Variants in ARHGEF28 observed in about 807,000 individuals in gnomAD.
The protein encoded by ARHGEF28 is Rho guanine nucleotide exchange factor 28.
Under a neutral mutation model 206.6 loss-of-function variants are expected in ARHGEF28, and 152 were observed. The observed-to-expected ratio is 0.74, with a 90% CI of 0.64 to 0.84. The LOEUF (loss-of-function observed/expected upper bound fraction) is 0.84. Among genes scored for constraint, ARHGEF28 ranks in the 40% least tolerant of loss-of-function variants. ARHGEF28 has a pLI of 0.00. For synonymous variants in ARHGEF28, 763 were observed against 776.4 expected (o/e 0.98, Z 0.29); for missense variants, 2,028 against 2,073.2 (o/e 0.98, Z 0.42).
intron 16 of ARHGEF28, among the ~76,000 whole-genome samples, chr5:73,860,679 T>C (rs968410794): frequency 1.3e-5 from 2 of 152,242 alleles, no homozygotes; most frequent in Non-Finnish European, 2.9e-5. Context: ...TTTCCAGGTA[T>C]GTTCATCTAC....
intron 9 of ARHGEF28, among the ~76,000 whole-genome samples, chr5:73,796,103 T>C (rs553379229): frequency 6.6e-6 from 1 of 152,334 alleles, no homozygotes; most frequent in African/African-American, 2.4e-5. Context: ...GCCCTATCTC[T>C]TGAGTTACTT....
chr5:73,652,531 A>G (rs1020409823), intron 1 of ARHGEF28, among the ~76,000 whole-genome samples: 3 of 152,196 alleles, frequency 2.0e-5, no homozygotes, highest in African/African-American at 7.2e-5. Context: ...GGGTGGGGCC[A>G]CATTCAGGAG....
chr5:73,728,240 T>C (rs1405392948), intron 2 of ARHGEF28, among the ~76,000 whole-genome samples: 5 of 152,206 alleles, frequency 3.3e-5, no homozygotes, highest in African/African-American at 1.2e-4. Context: ...GCTTGTCTTG[T>C]GGAAAGCCTT....
At chr5:73,923,051 T>A in intron 35 of ARHGEF28, 1 of 1,517,784 alleles carries the variant, frequency 6.6e-7, no homozygotes, top group Non-Finnish European at 8.8e-7. Context: ...GGTCTGTTAG[T>A]CAGCATCTGG....
intron 4 of ARHGEF28, among the ~76,000 whole-genome samples, chr5:73,757,769 T>C (rs1167563148): frequency 6.6e-6 from 1 of 152,210 alleles, no homozygotes; most frequent in Non-Finnish European, 1.5e-5. Context: ...TTTTATGAAA[T>C]AGCATTCATA....
chr5:73,751,715 G>T (rs1195265795), intron 3 of ARHGEF28, among the ~76,000 whole-genome samples: 2 of 152,118 alleles, frequency 1.3e-5, no homozygotes, highest in African/African-American at 4.8e-5. Context: ...CTACTTAAAA[G>T]TGAGGTTTCT....
At chr5:73,755,478 G>A (rs138225149) in intron 4 of ARHGEF28, among the ~76,000 whole-genome samples, 19 of 152,170 alleles carry the variant, frequency 1.2e-4, no homozygotes, top group Admixed American at 8.5e-4. Flanking sequence ...TGCCTGCAGC[G>A]GTTTAATTTG....
In ARHGEF28 at chr5:73,868,104, A is replaced by C; in HGVS notation, c.2302A>C (p.Arg768=). Residue 768 remains arginine (R), a synonymous_variant, in exon 20 of 36, where the codon AGG becomes CGG. Coordinates refer to ENST00000513042, the MANE Select transcript of ARHGEF28 (RefSeq NM_001177693.2). ...GCTCCCCTCCCTCTCTCCTAGCTTC[A>C]GGAGGTCAGCCACATCCTTGGAGTC... ...SVPGTTLESF[R]RSATSLESES... The C allele has an allele frequency of 6.2e-7, 1 of 1,612,354 alleles. No homozygotes were observed. Among genetic ancestry groups the C allele is most frequent in the Non-Finnish European group, 8.5e-7 (1 of 1,179,188 alleles).
chr5:73,710,712 A>AT (rs1046841706), intron 2 of ARHGEF28, among the ~76,000 whole-genome samples: 3 of 152,094 alleles, frequency 2.0e-5, no homozygotes, highest in Admixed American at 6.6e-5. Flanking sequence ...CTCTGAATTA[A>AT]TTTTTTTTAA....
chr5:73,695,769 C>G (rs1272195973), intron 2 of ARHGEF28, among the ~76,000 whole-genome samples: 1 of 152,192 alleles, frequency 6.6e-6, no homozygotes, highest in East Asian at 1.9e-4. Flanking sequence ...TTGCCCCTGG[C>G]CTCTTCAGAG....
intron 2 of ARHGEF28, among the ~76,000 whole-genome samples, chr5:73,689,707 C>T (rs114122246): frequency 1.9e-3 from 284 of 151,552 alleles, no homozygotes; most frequent in African/African-American, 6.0e-3. Flanking sequence ...TTCCTGCATT[C>T]GTGCTTGAAA....
At chr5:73,772,601 G>T (rs2112444775) in intron 4 of ARHGEF28, among the ~76,000 whole-genome samples, 1 of 152,138 alleles carries the variant, frequency 6.6e-6, no homozygotes, top group South Asian at 2.1e-4. Context: ...CTGGTCTTGA[G>T]CTCCTGGGCT....
chr5:73,867,225 A>G (rs541705514), intron 18 of ARHGEF28, among the ~76,000 whole-genome samples: 27 of 152,298 alleles, frequency 1.8e-4, no homozygotes, highest in Non-Finnish European at 2.9e-4. Context: ...TTGAGAATGT[A>G]TATGCTACAC....
chr5:73,706,259 G>A (rs1181406665), intron 2 of ARHGEF28, among the ~76,000 whole-genome samples: 14 of 152,046 alleles, frequency 9.2e-5, no homozygotes, highest in African/African-American at 2.2e-4. Flanking sequence ...CAGGAGAATC[G>A]CTTGAATCCG....
intron 2 of ARHGEF28, among the ~76,000 whole-genome samples, chr5:73,738,026 G>T (rs1751115743): frequency 6.6e-6 from 1 of 152,220 alleles, no homozygotes; most frequent in Non-Finnish European, 1.5e-5. Context: ...TTTAACAAAG[G>T]TGACGGGAGC....
intron 2 of ARHGEF28, among the ~76,000 whole-genome samples, chr5:73,744,913 T>TA (rs1368389088): frequency 2.0e-5 from 3 of 151,986 alleles, no homozygotes. Context: ...ATGAAAGCCA[T>TA]AAAAAACCTT....
At chr5:73,928,770 C>T (rs1293532721) in intron 35 of ARHGEF28, among the ~76,000 whole-genome samples, 1 of 152,032 alleles carries the variant, frequency 6.6e-6, no homozygotes, top group Non-Finnish European at 1.5e-5. Context: ...TGAGGCAGGC[C>T]GCTCCCCAGA....
chr5:73,765,456 C>G (rs1267762788), intron 4 of ARHGEF28, among the ~76,000 whole-genome samples: 5 of 152,210 alleles, frequency 3.3e-5, no homozygotes, highest in Non-Finnish European at 2.9e-5. Context: ...AGTAATCAGT[C>G]AATACTCCAC....
At chr5:73,937,362 A>C (rs1349577970) in intron 35 of ARHGEF28, among the ~76,000 whole-genome samples, 4 of 151,606 alleles carry the variant, frequency 2.6e-5, no homozygotes, top group Admixed American at 2.6e-4. Flanking sequence ...AGCAGAAAAA[A>C]CTCTCAATCA....
Sources: allele counts gnomAD v4.1 joint callset (sites outside exome capture counted in the v4.1 genomes callset), GRCh38; gene constraint gnomAD v4.1.1; transcripts MANE v1.5; gene names NCBI Gene and HGNC (gene_info 2026-07-23, HGNC 2026-07-21).